The following PIK3R3 variants were observed in gnomAD, a reference collection of about 807,000 sequenced individuals.
PIK3R3 encodes phosphatidylinositol 3-kinase regulatory subunit gamma.
Under a neutral mutation model 62.9 loss-of-function variants are expected in PIK3R3, and 64 were observed. That is an observed-to-expected ratio of 1.02 (90% CI 0.83 to 1.25). The LOEUF (loss-of-function observed/expected upper bound fraction) is 1.25, where lower values mean the gene tolerates loss of function less well. Among genes scored for constraint, PIK3R3 ranks in the 50% most tolerant of loss-of-function variants. The pLI is 0.00. For synonymous variants in PIK3R3, 165 were observed against 189.0 expected (o/e 0.87, Z 1.04); for missense variants, 614 against 561.6 (o/e 1.09, Z -0.94).
upstream of PIK3R3, among the ~76,000 whole-genome samples, chr1:46,136,512 ATCTT>A: frequency 6.6e-6 from 1 of 152,254 alleles, no homozygotes; most frequent in Admixed American, 6.5e-5. Flanking sequence ...ACCTTTCCTC[ATCTT>A]TCTTAGCACT....
At chr1:46,074,204 G>C (rs1356684009) in intron 3 of PIK3R3, among the ~76,000 whole-genome samples, 1 of 142,980 alleles carries the variant, frequency 7.0e-6, no homozygotes, top group Non-Finnish European at 1.5e-5. Context: ...GCAGGAGAAT[G>C]GTGGGAACCT....
intron 1 of PIK3R3, among the ~76,000 whole-genome samples, chr1:46,100,124 A>G (rs1049017688): frequency 3.3e-5 from 5 of 152,128 alleles, no homozygotes; most frequent in Non-Finnish European, 7.4e-5. Flanking sequence ...CTGAATTTCA[A>G]TAACTGTACA....
At chr1:46,157,258 C>CTGGGTGGG in the PIK3R3 span, among the ~76,000 whole-genome samples, 7 of 152,178 alleles carry the variant, frequency 4.6e-5, no homozygotes, top group Non-Finnish European at 1.0e-4. Flanking sequence ...CTCAGCCACC[C>CTGGGTGGG]AAGTAGCTGG....
At chr1:46,045,617 CTTTTT>C (rs1031388121) in intron 9 of PIK3R3, among the ~76,000 whole-genome samples, 33 of 21,214 alleles carry the variant, frequency 1.6e-3, no homozygotes, top group East Asian at 7.9e-3. Context: ...CAATTAAGTG[CTTTTT>C]TTTTTTTTTT....
intron 1 of PIK3R3, among the ~76,000 whole-genome samples, chr1:46,114,026 A>G (rs962193817): frequency 3.3e-5 from 5 of 152,206 alleles, no homozygotes; most frequent in Non-Finnish European, 7.4e-5. Flanking sequence ...TTACAGTCTG[A>G]GCTTCTTGAG....
At position 46,052,989 on chromosome 1, in the gene PIK3R3, C is replaced by T. The variant is rs551153346; in HGVS notation, c.941+2806G>A. Among the ~76,000 whole-genome samples, 16 of 152,296 alleles carry T rather than the reference C, an allele frequency of 1.1e-4. No homozygotes were observed. The South Asian group carries it at 2.5e-3, about 24-fold the overall frequency. On this transcript the variant is annotated intron_variant, in intron 7 of 9. Transcript: ENST00000262741. ...CATGCAGCAATGCTAATATGAGACA[C>T]GTATTTTACTACCAGTCTTCTTCAG...
intron 1 of PIK3R3, among the ~76,000 whole-genome samples, chr1:46,097,889 C>CA (rs1232804003): frequency 0.029 from 1,232 of 42,566 alleles, 14 homozygotes; most frequent in Middle Eastern, 0.11. Flanking sequence ...AACTCCATCT[C>CA]AAAAAAAAAA....
chr1:46,139,934 T>C, the PIK3R3 span, among the ~76,000 whole-genome samples: 1 of 152,286 alleles, frequency 6.6e-6, no homozygotes, highest in African/African-American at 2.4e-5. Flanking sequence ...CCCAGGACCC[T>C]GCAAACAAGA....
chr1:46,043,547 C>T lies in PIK3R3; in HGVS notation c.*126G>A. On this transcript the variant is annotated 3_prime_UTR_variant, in exon 10 of 10. Coordinates refer to ENST00000262741, the MANE Select transcript of PIK3R3 (RefSeq NM_003629.4). Reference sequence around the variant, plus strand: ...GGCCGGCTGCTGCTCGGCCTCTCCACTTCACATTCACAAAATCACTTCTTG... The same window carrying T: ...GGCCGGCTGCTGCTCGGCCTCTCCATTTCACATTCACAAAATCACTTCTTG... The T allele has an allele frequency of 2.3e-6, 2 of 867,532 alleles. No individual in the cohort carries two copies. The highest frequency in any genetic ancestry group is 2.2e-5 in the Admixed American group (1 of 44,490). The allele number at this position is 867,532 out of a possible 1,614,324, so 53.7% of individuals were successfully genotyped here.
chr1:46,170,596 T>A, the PIK3R3 span, among the ~76,000 whole-genome samples: 2 of 152,218 alleles, frequency 1.3e-5, no homozygotes, highest in African/African-American at 4.8e-5. Context: ...AATTTTTGTA[T>A]TTTTAGTAGA....
chr1:46,057,681 T>G (rs183413112), intron 6 of PIK3R3, among the ~76,000 whole-genome samples: 1 of 152,156 alleles, frequency 6.6e-6, no homozygotes, highest in Admixed American at 6.5e-5. Context: ...CCCTAGAGAT[T>G]TGTGGAACTT....
intron 6 of PIK3R3, among the ~76,000 whole-genome samples, chr1:46,060,116 A>G (rs1182437294): frequency 6.6e-6 from 1 of 151,718 alleles, no homozygotes; most frequent in Non-Finnish European, 1.5e-5. Flanking sequence ...AAATAAATAA[A>G]ACAAAACGTT....
intron 4 of PIK3R3, among the ~76,000 whole-genome samples, chr1:46,066,550 T>C (rs184018974): frequency 1.3e-5 from 2 of 152,314 alleles, no homozygotes; most frequent in Admixed American, 1.3e-4. Flanking sequence ...CTAGGCGCAA[T>C]GACTCATGCC....
chr1:46,058,526 C>T (rs774713538), intron 6 of PIK3R3, among the ~76,000 whole-genome samples: 1 of 152,238 alleles, frequency 6.6e-6, no homozygotes, highest in East Asian at 1.9e-4. Flanking sequence ...GCCACAGGGG[C>T]GGAGCTGCCC....
intron 1 of PIK3R3, among the ~76,000 whole-genome samples, chr1:46,110,004 A>C (rs1292193841): frequency 6.6e-6 from 1 of 152,070 alleles, no homozygotes; most frequent in Admixed American, 6.6e-5. Flanking sequence ...TAGATACACC[A>C]ATACCTGCAG....
chr1:46,042,992 A>C lies in PIK3R3; in HGVS notation c.*681T>G, dbSNP rs570278917. 1 of 220,348 alleles carries C rather than the reference A, an allele frequency of 4.5e-6. No homozygotes were observed. The highest frequency in any genetic ancestry group is 9.1e-6 in the Non-Finnish European group (1 of 109,680). 13.6% of individuals were successfully genotyped at this position (220,348 alleles called of 1,614,324 possible). On this transcript the variant is annotated 3_prime_UTR_variant, in exon 10 of 10. Coordinates refer to ENST00000262741, the MANE Select transcript of PIK3R3 (RefSeq NM_003629.4). The surrounding 1 kb of genome is among the most constrained non-coding windows in gnomAD (Gnocchi z 4.3). ...TGAGTGCCACGTTTTCCCATCAAAC[A>C]TTGGTCTGGCAACAAACTGTTTTGT...
At chr1:46,139,496 G>A in the PIK3R3 span, among the ~76,000 whole-genome samples, 1 of 151,900 alleles carries the variant, frequency 6.6e-6, no homozygotes, top group Non-Finnish European at 1.5e-5. Flanking sequence ...TAGTAGAGAT[G>A]GGGTTTCACC....
chr1:46,042,696 T>C lies in PIK3R3; in HGVS notation c.*977A>G, dbSNP rs778229462. ...TATCAAGCCATCTAAAAGCACTGCA[T>C]TGCACCTTTTCTTTACTCATACAAA... On this transcript the variant is annotated 3_prime_UTR_variant, in exon 10 of 10. Coordinates refer to ENST00000262741, the MANE Select transcript of PIK3R3 (RefSeq NM_003629.4). This position sits in a 1 kb window ranked among gnomAD's most constrained non-coding sequence, Gnocchi z 4.3. 44 of 214,524 alleles carry C rather than the reference T, an allele frequency of 2.1e-4. No homozygotes were observed. The highest frequency in any genetic ancestry group is 3.5e-4 in the Non-Finnish European group (37 of 105,944). 13.3% of individuals were successfully genotyped at this position (214,524 alleles called of 1,614,324 possible).
In PIK3R3 at chr1:46,092,680, C is replaced by T. The variant is rs145637557; in HGVS notation, c.107-11930G>A. Among the ~76,000 whole-genome samples the T allele has an allele frequency of 3.0e-4, 46 of 152,108 alleles. No homozygotes were observed. The East Asian group carries it at 8.5e-3, about 28-fold the overall frequency. ...GCTTGGCCCTCTCTCTACATCTTTA[C>T]CACTTACTCCAATAATCCCAGTTCT... is the stretch of plus-strand genomic sequence containing the variant. On this transcript the variant is annotated intron_variant, in intron 1 of 9. Coordinates refer to ENST00000262741, the MANE Select transcript of PIK3R3 (RefSeq NM_003629.4).
Sources: allele counts gnomAD v4.1 joint callset (sites outside exome capture counted in the v4.1 genomes callset), GRCh38; gene constraint gnomAD v4.1.1; non-coding constraint Gnocchi (gnomAD v3.1); transcripts MANE v1.5; gene names NCBI Gene and HGNC (gene_info 2026-07-23, HGNC 2026-07-21).